The following MIS18A variants were observed in gnomAD, a reference collection of about 807,000 sequenced individuals.
The protein encoded by MIS18A is protein Mis18-alpha.
In MIS18A, 14 loss-of-function variants were observed where a neutral mutation model predicts 25.0. That is an observed-to-expected ratio of 0.56 (90% CI 0.37 to 0.88). MIS18A has a LOEUF of 0.88. Among genes scored for constraint, MIS18A ranks in the 40% least tolerant of loss-of-function variants. The pLI, the probability that MIS18A is intolerant of heterozygous loss-of-function variation, is 0.00. For missense variants in MIS18A, 292 were observed against 290.8 expected (o/e 1.00, Z -0.03); for synonymous variants, 134 against 118.6 (o/e 1.13, Z -0.84).
chr21:32,269,789 G>T lies in MIS18A; in HGVS notation c.539C>A (p.Ser180Tyr). 2 of 1,605,694 alleles carry T rather than the reference G, an allele frequency of 1.2e-6. No homozygotes were observed. Among genetic ancestry groups the T allele is most frequent in the Non-Finnish European group, 1.7e-6 (2 of 1,172,344 alleles). Residue 180 changes from serine (S) to tyrosine (Y), a missense_variant, in exon 4 of 5, where the codon TCC (serine) becomes TAC (tyrosine). Transcript: ENST00000290130. ...TTCTGACACAATTTGCTTTTCAGAG[G>T]ACCCTAAAACATAACTGAAGTACGG... ...VEAIESYVLG[S>Y]SEKQIVSEDK... is the part of the protein sequence containing the mutation.
chr21:32,187,746 T>C, the MIS18A span, among the ~76,000 whole-genome samples: 1 of 152,162 alleles, frequency 6.6e-6, no homozygotes, highest in Non-Finnish European at 1.5e-5. Context: ...AAATCCCTTC[T>C]TCCTCAGAGG....
At chr21:32,186,383 GCT>G in the MIS18A span, among the ~76,000 whole-genome samples, 1 of 152,168 alleles carries the variant, frequency 6.6e-6, no homozygotes, top group Non-Finnish European at 1.5e-5. Flanking sequence ...GCTCCTTAAG[GCT>G]AGGCCTTATG....
At chr21:32,222,926 C>T in the MIS18A span, among the ~76,000 whole-genome samples, 3 of 132,084 alleles carry the variant, frequency 2.3e-5, no homozygotes, top group East Asian at 6.5e-4. Context: ...CAGAACAAGA[C>T]TCCGTCTCAA....
the MIS18A span, among the ~76,000 whole-genome samples, chr21:32,216,909 C>T: frequency 1.3e-5 from 2 of 152,144 alleles, no homozygotes; most frequent in Non-Finnish European, 2.9e-5. Context: ...TCAGGGGCCA[C>T]CTATGACAAA....
chr21:32,205,097 C>CAT, the MIS18A span, among the ~76,000 whole-genome samples: 1 of 66,182 alleles, frequency 1.5e-5, no homozygotes, highest in Non-Finnish European at 2.5e-5. Context: ...AGAACTTGTC[C>CAT]TTTTTTTTTT....
chr21:32,227,554 G>A, the MIS18A span, among the ~76,000 whole-genome samples: 1 of 152,144 alleles, frequency 6.6e-6, no homozygotes, highest in African/African-American at 2.4e-5. Flanking sequence ...TACAGAGATT[G>A]AATTAGTAGG....
chr21:32,278,398 T>C, intron 1 of MIS18A: 1 of 469,730 alleles, frequency 2.1e-6, no homozygotes, highest in Non-Finnish European at 3.7e-6. Context: ...AAAAGTGTTA[T>C]TCTTTGTCGC....
chr21:32,278,320 T>A (rs916955646), intron 1 of MIS18A: 1 of 251,462 alleles, frequency 4.0e-6, no homozygotes, highest in Non-Finnish European at 7.6e-6. Flanking sequence ...TGGGGAGTAA[T>A]AGTACTGGCT....
the MIS18A span, among the ~76,000 whole-genome samples, chr21:32,246,033 A>C: frequency 6.6e-6 from 1 of 152,172 alleles, no homozygotes; most frequent in Non-Finnish European, 1.5e-5. Flanking sequence ...ACAGGCCCAG[A>C]GCAGGAGCAA....
chr21:32,229,483 G>T, the MIS18A span, among the ~76,000 whole-genome samples: 2 of 152,210 alleles, frequency 1.3e-5, no homozygotes, highest in Non-Finnish European at 2.9e-5. Flanking sequence ...AAAGCCTGTT[G>T]TAATTACCCG....
the MIS18A span, among the ~76,000 whole-genome samples, chr21:32,184,887 C>T: frequency 2.6e-5 from 4 of 152,092 alleles, no homozygotes; most frequent in African/African-American, 9.7e-5. Flanking sequence ...CTGTGGCTCC[C>T]GGCCACCGCA....
chr21:32,221,906 G>C, the MIS18A span, among the ~76,000 whole-genome samples: 1 of 151,408 alleles, frequency 6.6e-6, no homozygotes, highest in Admixed American at 6.6e-5. Flanking sequence ...AAAAAAGCTA[G>C]CATCATAATG....
the MIS18A span, among the ~76,000 whole-genome samples, chr21:32,165,761 T>C: frequency 6.6e-6 from 1 of 152,134 alleles, no homozygotes; most frequent in Non-Finnish European, 1.5e-5. Flanking sequence ...GAGAGCTCCA[T>C]GGAAGAAAGG....
chr21:32,158,685 G>C, the MIS18A span, among the ~76,000 whole-genome samples: 4 of 152,070 alleles, frequency 2.6e-5, no homozygotes, highest in African/African-American at 9.7e-5. Flanking sequence ...TTGTTGGTCA[G>C]GCTGTTCTCG....
chr21:32,179,931 G>A, the MIS18A span, among the ~76,000 whole-genome samples: 2 of 152,276 alleles, frequency 1.3e-5, no homozygotes, highest in South Asian at 4.1e-4. Flanking sequence ...AATTTCCAAG[G>A]TTAGTCCTTA....
chr21:32,226,958 A>G, the MIS18A span, among the ~76,000 whole-genome samples: 5 of 152,166 alleles, frequency 3.3e-5, no homozygotes, highest in Non-Finnish European at 7.4e-5. Flanking sequence ...ACAAATAGGA[A>G]AACAACACAA....
the MIS18A span, among the ~76,000 whole-genome samples, chr21:32,205,858 G>C: frequency 0.094 from 14,341 of 152,170 alleles, 751 homozygotes; most frequent in Middle Eastern, 0.17. Context: ...AAGGTTCAAG[G>C]GAGCAAGAAA....
chr21:32,214,111 T>C, the MIS18A span, among the ~76,000 whole-genome samples: 1 of 152,162 alleles, frequency 6.6e-6, no homozygotes, highest in African/African-American at 2.4e-5. Flanking sequence ...AGTGGAGGGA[T>C]TGCTGTGTTA....
the MIS18A span, among the ~76,000 whole-genome samples, chr21:32,241,494 G>A: frequency 6.6e-6 from 1 of 152,136 alleles, no homozygotes. Context: ...GCAGGGTGAT[G>A]GGCTACATCC....
Sources: gnomAD v4.1 joint callset for allele counts (sites outside exome capture counted in the v4.1 genomes callset) on GRCh38, gnomAD v4.1.1 for gene constraint, MANE v1.5 for transcripts, NCBI Gene and HGNC (gene_info 2026-07-23, HGNC 2026-07-21) for gene names.